PBX1: variants seen among roughly 807,000 people sequenced by gnomAD.
PBX1 encodes PBX homeobox 1, also known as pre-B-cell leukemia transcription factor 1.
Under a neutral mutation model 53.4 loss-of-function variants are expected in PBX1, and 6 were observed. The observed-to-expected ratio is 0.11, with a 90% confidence interval of 0.06 to 0.22. PBX1 has a LOEUF of 0.22. Ranked by LOEUF, PBX1 falls within the 10% of genes least tolerant of loss-of-function variation. The pLI is 1.00. For missense variants in PBX1, 251 were observed against 551.4 expected (o/e 0.46, Z 5.46); for synonymous variants, 204 against 212.3 (o/e 0.96, Z 0.34).
At chr1:164,727,935 C>T (rs16834140) in intron 2 of PBX1, among the ~76,000 whole-genome samples, 7,593 of 152,188 alleles carry the variant, frequency 0.05, 229 homozygotes, top group South Asian at 0.14. Flanking sequence ...GTGCTCCCTT[C>T]GTCATCTGCA....
intron 2 of PBX1, among the ~76,000 whole-genome samples, chr1:164,708,857 T>C (rs1374083004): frequency 6.6e-6 from 1 of 152,222 alleles, no homozygotes; most frequent in Non-Finnish European, 1.5e-5. Context: ...TCCAAAATAC[T>C]TGGCCTTGAA....
intron 2 of PBX1, among the ~76,000 whole-genome samples, chr1:164,623,141 T>C (rs983732630): frequency 1.3e-5 from 2 of 152,152 alleles, no homozygotes; most frequent in African/African-American, 4.8e-5. Context: ...GTGCTTTCCT[T>C]CCTTCTCTCT....
At chr1:164,635,348 A>G (rs1658692361) in intron 2 of PBX1, among the ~76,000 whole-genome samples, 1 of 152,118 alleles carries the variant, frequency 6.6e-6, no homozygotes, top group Non-Finnish European at 1.5e-5. Context: ...GAGGGGAACC[A>G]GGCTAAACCA....
chr1:164,610,184 C>T (rs894578944), intron 2 of PBX1, among the ~76,000 whole-genome samples: 2 of 152,178 alleles, frequency 1.3e-5, no homozygotes, highest in African/African-American at 4.8e-5. Context: ...ATGCAGCAGG[C>T]TCTGGTGCCA....
At chr1:164,807,322 C>CTGTG (rs1163847328) in intron 4 of PBX1, among the ~76,000 whole-genome samples, 1 of 152,186 alleles carries the variant, frequency 6.6e-6, no homozygotes, top group East Asian at 1.9e-4. Context: ...GCAAAAATAT[C>CTGTG]TGTGACCACT....
At chr1:164,658,231 G>A (rs1186771546) in intron 2 of PBX1, among the ~76,000 whole-genome samples, 5 of 151,166 alleles carry the variant, frequency 3.3e-5, no homozygotes, top group African/African-American at 4.9e-5. Flanking sequence ...CAGCCCATGC[G>A]AATTCTGCAG....
intron 2 of PBX1, among the ~76,000 whole-genome samples, chr1:164,647,477 C>T (rs1045107932): frequency 6.6e-6 from 1 of 152,138 alleles, no homozygotes; most frequent in African/African-American, 2.4e-5. Context: ...CAGCCTCCTC[C>T]ATGAAATCGA....
intron 2 of PBX1, among the ~76,000 whole-genome samples, chr1:164,724,630 T>C (rs1421802232): frequency 6.8e-6 from 1 of 146,952 alleles, no homozygotes; most frequent in East Asian, 2.1e-4. Context: ...ATGTCTAATA[T>C]CTTATTTTTC....
intron 2 of PBX1, among the ~76,000 whole-genome samples, chr1:164,776,723 G>A (rs1667665682): frequency 6.6e-6 from 1 of 152,114 alleles, no homozygotes; most frequent in Non-Finnish European, 1.5e-5. Context: ...AGCCTAACTT[G>A]AGCAATAAAA....
At chr1:164,838,306 G>A (rs1158058982) in intron 8 of PBX1, among the ~76,000 whole-genome samples, 1 of 152,208 alleles carries the variant, frequency 6.6e-6, no homozygotes, top group Non-Finnish European at 1.5e-5. Context: ...TCACTGGCAA[G>A]GTGGTGCCGC....
At chr1:164,654,789 A>G (rs1490080218) in intron 2 of PBX1, among the ~76,000 whole-genome samples, 1 of 152,260 alleles carries the variant, frequency 6.6e-6, no homozygotes, top group Non-Finnish European at 1.5e-5. Flanking sequence ...AAGAACCAAG[A>G]TAGTTAACCA....
chr1:164,882,379 GAT>G (rs1672681040), intron 2 of PBX1, among the ~76,000 whole-genome samples: 2 of 152,222 alleles, frequency 1.3e-5, no homozygotes, highest in African/African-American at 4.8e-5. Flanking sequence ...TGATTTCTTA[GAT>G]TCTGTTTAAG....
rs1257669034 is a variant in PBX1, at chr1:164,869,341, G to A, written n.258-29847G>A. 2.0e-5 allele frequency among the ~76,000 whole-genome samples: 3 copies of A among 152,222 alleles called. No individual in the cohort carries two copies. In the South Asian group the frequency reaches 6.2e-4, roughly 32 times the overall value. The stretch of plus-strand genomic sequence containing the variant: ...TTCTGCTCTGCTAGTCAGTAAGCCT[G>A]GATAAGCTCCCAGGCCAGGGTGAAG... On this transcript the variant is annotated intron_variant and non_coding_transcript_variant, in intron 2 of 2. Coordinates refer to the PBX1 transcript ENST00000558796.
At chr1:164,841,949 C>A (rs912121616) in intron 8 of PBX1, among the ~76,000 whole-genome samples, 1 of 152,140 alleles carries the variant, frequency 6.6e-6, no homozygotes, top group East Asian at 1.9e-4. Context: ...TGACATCAGC[C>A]GGTTTGTGGC....
intron 2 of PBX1, among the ~76,000 whole-genome samples, chr1:164,677,127 C>T (rs1215771514): frequency 6.8e-6 from 1 of 147,798 alleles, no homozygotes; most frequent in African/African-American, 2.5e-5. Context: ...GCTCTGTCGC[C>T]CAGGCCGGAC....
At chr1:164,694,854 T>TGC (rs1662718397) in intron 2 of PBX1, among the ~76,000 whole-genome samples, 1 of 152,216 alleles carries the variant, frequency 6.6e-6, no homozygotes, top group Non-Finnish European at 1.5e-5. Flanking sequence ...TCTGCTGTCA[T>TGC]CCTAAGTCAG....
intron 2 of PBX1, among the ~76,000 whole-genome samples, chr1:164,604,650 T>C (rs1656431357): frequency 6.6e-6 from 1 of 152,158 alleles, no homozygotes; most frequent in South Asian, 2.1e-4. Context: ...AATAAATAAC[T>C]TATCAAAATA....
intron 3 of PBX1, among the ~76,000 whole-genome samples, chr1:164,797,608 A>G (rs538309165): frequency 3.9e-4 from 60 of 152,286 alleles, no homozygotes; most frequent in Admixed American, 9.2e-4. Flanking sequence ...ATAGGCCCAC[A>G]GAGTAAAAAG....
chr1:164,568,802 G>A (rs1653620307), intron 2 of PBX1, among the ~76,000 whole-genome samples: 1 of 152,212 alleles, frequency 6.6e-6, no homozygotes, highest in African/African-American at 2.4e-5. Flanking sequence ...CTCAAAGATG[G>A]CACTTCTCGG....
Sources: allele counts gnomAD v4.1 joint callset (sites outside exome capture counted in the v4.1 genomes callset), GRCh38; gene constraint gnomAD v4.1.1; transcripts MANE v1.5; gene names NCBI Gene and HGNC (gene_info 2026-07-23, HGNC 2026-07-21).